CFAP99: variants seen among roughly 807,000 people sequenced by gnomAD.
CFAP99 encodes cilia and flagella associated protein 99.
In CFAP99, 84 loss-of-function variants were observed where a neutral mutation model predicts 82.7. The ratio of observed to expected loss-of-function variants is 1.02; its 90% CI spans 0.85 to 1.22. The LOEUF (loss-of-function observed/expected upper bound fraction) is 1.22, where lower values mean the gene tolerates loss of function less well. Among genes scored for constraint, CFAP99 ranks in the 50% most tolerant of loss-of-function variants. CFAP99 has a pLI of 0.00. For missense variants in CFAP99, 1,059 were observed against 983.5 expected, an observed-to-expected ratio of 1.08 and a Z score of -1.03; for synonymous variants, 456 against 429.5, an observed-to-expected ratio of 1.06 and a Z score of -0.76.
At chr4:2,430,377 G>C (rs2857942) in intron 2 of CFAP99, among the ~76,000 whole-genome samples, 1 of 12,222 alleles carries the variant, frequency 8.2e-5, no homozygotes, top group Non-Finnish European at 1.3e-4. Context: ...TACGCAATAC[G>C]TAAACCAAAC....
chr4:2,438,035 G>A (rs891379079), intron 3 of CFAP99, 35 bp from the exon 4 acceptor site: 20 of 1,332,120 alleles, frequency 1.5e-5, no homozygotes, highest in African/African-American at 7.3e-5. Flanking sequence ...GCCCCGTGAC[G>A]TCCCTTAGCC....
Position 2,462,251 on chromosome 4 carries a change from A to C in CFAP99, c.1662-192A>C. The C allele has an allele frequency of 2.2e-6, 1 of 462,560 alleles. No individual in the cohort carries two copies. The highest frequency in any genetic ancestry group is 3.6e-5 in the East Asian group (1 of 27,408). 28.7% of individuals were successfully genotyped at this position (462,560 alleles called of 1,614,324 possible). A position where few individuals can be genotyped will look rare whatever the true frequency, so the allele number is the denominator to read the frequency against. On this transcript the variant is annotated intron_variant, in intron 14 of 14. Transcript: ENST00000635017. The surrounding 1 kb of genome is among the most constrained non-coding windows in gnomAD (Gnocchi z 4.1). Reference sequence around the variant, plus strand: ...TGCTGGAGACTCCCCCAACCCCTCCAGCCCCTGAGCGGTGGTACTGTCTAG... The same window carrying C: ...TGCTGGAGACTCCCCCAACCCCTCCCGCCCCTGAGCGGTGGTACTGTCTAG...
intron 4 of CFAP99, among the ~76,000 whole-genome samples, chr4:2,440,425 C>T (rs1304389501): frequency 2.0e-5 from 3 of 150,878 alleles, no homozygotes; most frequent in Non-Finnish European, 4.4e-5. Context: ...GGATTACAGG[C>T]GTGAGCCACC....
intron 1 of CFAP99, among the ~76,000 whole-genome samples, chr4:2,426,041 G>A (rs1733675755): frequency 6.6e-6 from 1 of 152,208 alleles, no homozygotes; most frequent in Non-Finnish European, 1.5e-5. Context: ...GGGCAAAGCT[G>A]AGGGACGCTC....
intron 4 of CFAP99, among the ~76,000 whole-genome samples, chr4:2,442,728 C>A (rs890251065): frequency 6.6e-6 from 1 of 152,176 alleles, no homozygotes; most frequent in Admixed American, 6.5e-5. Flanking sequence ...TTCTCAGGCA[C>A]CCCCTCCCCA....
chr4:2,447,327 T>A (rs1393642579), intron 6 of CFAP99, among the ~76,000 whole-genome samples: 1 of 151,238 alleles, frequency 6.6e-6, no homozygotes, highest in Non-Finnish European at 1.5e-5. Context: ...GATACATGCA[T>A]GGAAGGATAA....
intron 11 of CFAP99, among the ~76,000 whole-genome samples, chr4:2,457,001 G>A (rs76198206): frequency 0.049 from 7,004 of 143,880 alleles, 589 homozygotes; most frequent in African/African-American, 0.17. Flanking sequence ...CTCCCAGGCT[G>A]GAATGCAGTG....
chr4:2,458,963 G>T, intron 12 of CFAP99, 99 bp downstream of exon 12: 2 of 1,460,330 alleles, frequency 1.4e-6, no homozygotes, highest in South Asian at 2.8e-5. Context: ...GCTGTCCAGG[G>T]TCAGGGACCC....
intron 11 of CFAP99, 98 bp from the exon 12 acceptor site, chr4:2,458,625 C>T: frequency 7.1e-7 from 1 of 1,411,960 alleles, no homozygotes; most frequent in Non-Finnish European, 9.3e-7. Flanking sequence ...GGGACTGGGT[C>T]CACCTTCAGA....
At chr4:2,438,162 A>G in exon 4 of CFAP99, 2 of 1,531,872 alleles carry the variant, frequency 1.3e-6, no homozygotes, top group Non-Finnish European at 1.7e-6. Flanking sequence ...TAAGATGTGC[A>G]AGGTGAGCCA....
chr4:2,459,338 C>A, intron 13 of CFAP99, 80 bp downstream of exon 13: 1 of 1,429,720 alleles, frequency 7.0e-7, no homozygotes, highest in Non-Finnish European at 9.2e-7. Context: ...TTCCAGGGTT[C>A]CCACCAGAGC....
exon 4 of CFAP99, chr4:2,438,162 A>C: frequency 6.5e-7 from 1 of 1,531,872 alleles, no homozygotes; most frequent in Non-Finnish European, 8.7e-7. Flanking sequence ...TAAGATGTGC[A>C]AGGTGAGCCA....
intron 5 of CFAP99, among the ~76,000 whole-genome samples, chr4:2,444,919 G>C (rs1440991269): frequency 6.6e-6 from 1 of 152,136 alleles, no homozygotes; most frequent in Non-Finnish European, 1.5e-5. Flanking sequence ...TGTACAAGGG[G>C]ACTGCGTCTG....
At chr4:2,422,552 G>A (rs554111536) in intron 1 of CFAP99, among the ~76,000 whole-genome samples, 4 of 152,226 alleles carry the variant, frequency 2.6e-5, no homozygotes, top group Admixed American at 1.3e-4. Flanking sequence ...AGGGGGAGAC[G>A]GCAGGGAAAC....
exon 14 of CFAP99, chr4:2,460,150 T>A: frequency 6.5e-7 from 1 of 1,535,908 alleles, no homozygotes; most frequent in Non-Finnish European, 8.7e-7. Context: ...ATCAAATCAT[T>A]CAGGGCAAGC....
At chr4:2,423,555 C>T (rs996980706) in intron 1 of CFAP99, among the ~76,000 whole-genome samples, 8 of 152,176 alleles carry the variant, frequency 5.3e-5, no homozygotes, top group Non-Finnish European at 1.0e-4. Flanking sequence ...GGTGGTCTCT[C>T]TTCCATGGCC....
intron 5 of CFAP99, 143 bp downstream of exon 5, chr4:2,443,385 G>C: frequency 1.6e-6 from 1 of 629,560 alleles, no homozygotes; most frequent in South Asian, 1.8e-5. Flanking sequence ...GTTCGGATGA[G>C]ATCTTCGGAG....
intron 1 of CFAP99, among the ~76,000 whole-genome samples, chr4:2,424,300 C>G (rs1283547666): frequency 6.6e-6 from 1 of 152,130 alleles, no homozygotes; most frequent in Non-Finnish European, 1.5e-5. Context: ...TACAAAAATA[C>G]AAAAAATAGC....
In CFAP99 at chr4:2,459,268, C is replaced by T. The variant is rs1257370375; in HGVS notation, c.1455+10C>T. The T allele has an allele frequency of 2.0e-6, 3 of 1,524,670 alleles. No homozygotes were observed. Among genetic ancestry groups the T allele is most frequent in the Non-Finnish European group, 2.6e-6 (3 of 1,140,704 alleles). 94.4% of individuals were successfully genotyped at this position (1,524,670 alleles called of 1,614,324 possible). On this transcript the variant is annotated intron_variant, in intron 13 of 14. Coordinates refer to ENST00000635017, the Ensembl canonical transcript of CFAP99. Reference sequence around the variant, plus strand: ...CGTGGACCTGACCCAGGTGAGGATGCAGTCCTGGACGGGCCCATGCCTCAG... The same window carrying T: ...CGTGGACCTGACCCAGGTGAGGATGTAGTCCTGGACGGGCCCATGCCTCAG...
Sources: allele counts gnomAD v4.1 joint callset (sites outside exome capture counted in the v4.1 genomes callset), GRCh38; gene constraint gnomAD v4.1.1; non-coding constraint Gnocchi (gnomAD v3.1); transcripts MANE v1.5; gene names NCBI Gene and HGNC (gene_info 2026-07-23, HGNC 2026-07-21).